The following ZNF638 variants were observed in gnomAD, a reference collection of about 807,000 sequenced individuals.
ZNF638 encodes zinc finger protein 638, also known as CTCL tumor antigen se33-1.
Under a neutral mutation model 195.6 loss-of-function variants are expected in ZNF638, and 46 were observed. That is an observed-to-expected ratio of 0.24 (90% CI 0.19 to 0.30). ZNF638 has a LOEUF of 0.30. Ranked by LOEUF, ZNF638 falls within the 10% of genes least tolerant of loss-of-function variation. The probability of loss-of-function intolerance (pLI) is 1.00; values close to 1 mark genes in which losing one functional copy is unlikely to be tolerated. For synonymous variants in ZNF638, 845 were observed against 772.0 expected (o/e 1.09, Z -1.57); for missense variants, 2,440 against 2,325.3 (o/e 1.05, Z -1.01).
intron 21 of ZNF638, among the ~76,000 whole-genome samples, chr2:71,420,378 TATC>T (rs2080406292): frequency 6.6e-6 from 1 of 152,236 alleles, no homozygotes. Context: ...AGATTTTATT[TATC>T]ATCTGATTAA....
intron 1 of ZNF638, among the ~76,000 whole-genome samples, chr2:71,333,767 T>C (rs546507798): frequency 1.6e-4 from 24 of 152,328 alleles, no homozygotes; most frequent in Non-Finnish European, 2.9e-4. Context: ...TGTTTCCTTA[T>C]CTCTAAAATG....
chr2:71,389,418 AG>A (rs775118754), intron 10 of ZNF638, among the ~76,000 whole-genome samples: 16 of 152,250 alleles, frequency 1.1e-4, no homozygotes, highest in Admixed American at 2.0e-4. Context: ...TTGAAGCCAT[AG>A]CAGACAACTT....
At chr2:71,364,682 A>G (rs563812688) in intron 5 of ZNF638, among the ~76,000 whole-genome samples, 3 of 152,272 alleles carry the variant, frequency 2.0e-5, no homozygotes, top group African/African-American at 7.2e-5. Flanking sequence ...GTACTTTGAC[A>G]CTCCCACTGT....
At chr2:71,381,938 G>T (rs2079541287) in intron 10 of ZNF638, among the ~76,000 whole-genome samples, 2 of 152,072 alleles carry the variant, frequency 1.3e-5, no homozygotes, top group South Asian at 4.1e-4. Flanking sequence ...AAATTGGAGA[G>T]ATGTAAAAAT....
chr2:71,355,790 T>C lies in ZNF638; in HGVS notation c.1379+10T>C. 6.5e-7 allele frequency: 1 copy of C among 1,547,244 alleles called. No homozygotes were observed. On this transcript the variant is annotated intron_variant, in intron 3 of 27. Coordinates refer to ENST00000264447, the MANE Select transcript of ZNF638 (RefSeq NM_014497.5). ...GACAGTTACGTCAACAGTAAGAATA[T>C]ATTTTTCCTTTATTATAGATAGCAT...
chr2:71,377,400 C>T (rs1461880534), intron 8 of ZNF638, among the ~76,000 whole-genome samples: 1 of 152,092 alleles, frequency 6.6e-6, no homozygotes, highest in East Asian at 1.9e-4. Context: ...TTCATGGGGA[C>T]ATTACAATTA....
chr2:71,408,335 G>T, intron 20 of ZNF638, 88 bp downstream of exon 20: 1 of 1,421,118 alleles, frequency 7.0e-7, no homozygotes, highest in East Asian at 2.4e-5. Flanking sequence ...AACTGTTTCT[G>T]TGTTTAGAGA....
chr2:71,339,813 G>A (rs1236254687), intron 1 of ZNF638, among the ~76,000 whole-genome samples: 1 of 152,142 alleles, frequency 6.6e-6, no homozygotes. Flanking sequence ...GCTTGGATAA[G>A]GTGTTTCCTC....
intron 21 of ZNF638, among the ~76,000 whole-genome samples, chr2:71,419,974 C>CCCCCCTCTTTTTTTT (rs1189202093): frequency 3.7e-5 from 1 of 27,022 alleles, no homozygotes; most frequent in African/African-American, 1.6e-4. Flanking sequence ...CCCCCCCCGC[C>CCCCCCTCTTTTTTTT]TTTTTTTTTT....
At chr2:71,370,161 TC>T (rs2079283091) in intron 8 of ZNF638, among the ~76,000 whole-genome samples, 156 bp downstream of exon 8, 1 of 152,202 alleles carries the variant, frequency 6.6e-6, no homozygotes, top group South Asian at 2.1e-4. Flanking sequence ...AATTAAAACT[TC>T]CTCATACATG....
At chr2:71,369,396 T>G (rs1450536469) in intron 7 of ZNF638, among the ~76,000 whole-genome samples, 2 of 151,618 alleles carry the variant, frequency 1.3e-5, no homozygotes, top group Non-Finnish European at 1.5e-5. Context: ...CCCAGTACTT[T>G]GGGAGGCCAA....
rs2080142075 is a variant in ZNF638 at position 71,408,137 on chromosome 2, G to C, written c.3151G>C (p.Asp1051His). The C allele has an allele frequency of 1.9e-6, 3 of 1,609,856 alleles. No individual in the cohort carries two copies. The highest frequency in any genetic ancestry group is 2.5e-6 in the Non-Finnish European group (3 of 1,178,488). ...SNRNKAILQL[D>H]SPESAQSMYS... Reference sequence around the variant, plus strand: ...TTCTCCAAAGGCAATTCTTCAGTTAGATAGTCCTGAATCTGCTCAGTCAAT... The same window carrying C: ...TTCTCCAAAGGCAATTCTTCAGTTACATAGTCCTGAATCTGCTCAGTCAAT... The change falls in exon 20 of 28, where the codon GAT becomes CAT. Residue 1051 changes from aspartate (D) to histidine (H), a missense_variant. Coordinates refer to ENST00000264447, the MANE Select transcript of ZNF638 (RefSeq NM_014497.5).
intron 2 of ZNF638, among the ~76,000 whole-genome samples, chr2:71,351,852 T>C (rs1218994810): frequency 6.6e-6 from 1 of 152,228 alleles, no homozygotes; most frequent in Non-Finnish European, 1.5e-5. Context: ...GTGATTGATT[T>C]AACTTGTTTG....
At position 71,349,880 on chromosome 2, in the gene ZNF638, A is replaced by C. The variant is rs747522820; in HGVS notation, c.926A>C (p.Lys309Thr). ...SGGQSVLEPI[K>T]SVNQSINQTV... ...GGACAGTCAGTCCTTGAACCCATAA[A>C]ATCCGTCAACCAATCCATTAACCAA... The change falls in exon 2 of 28, where the codon AAA becomes ACA. Residue 309 changes from lysine to threonine, a missense_variant. Lys to Thr is a moderately conservative substitution (Grantham distance 78). This residue lies in a region of ZNF638 where 305 missense variants were observed against 283.6 expected (regional missense o/e 1.08). Coordinates refer to ENST00000264447, the MANE Select transcript of ZNF638 (RefSeq NM_014497.5). The C allele has an allele frequency of 1.2e-6, 2 of 1,614,146 alleles. No homozygotes were observed. Among genetic ancestry groups the C allele is most frequent in the Non-Finnish European group, 1.7e-6 (2 of 1,180,028 alleles).
At chr2:71,358,145 C>T (rs980808148) in intron 3 of ZNF638, among the ~76,000 whole-genome samples, 3 of 152,186 alleles carry the variant, frequency 2.0e-5, no homozygotes, top group African/African-American at 4.8e-5. Context: ...TGTCTTCACA[C>T]CACCTTCTCT....
At chr2:71,370,935 T>G (rs968740884) in intron 8 of ZNF638, among the ~76,000 whole-genome samples, 4 of 150,918 alleles carry the variant, frequency 2.7e-5, no homozygotes, top group Admixed American at 6.6e-5. Context: ...ACTCATTCTG[T>G]TTTTTTTTGG....
intron 10 of ZNF638, among the ~76,000 whole-genome samples, chr2:71,382,368 G>A (rs2079548862): frequency 1.3e-5 from 2 of 152,072 alleles, no homozygotes; most frequent in African/African-American, 4.8e-5. Flanking sequence ...TATAAATGTA[G>A]AAAGAAAAAG....
intron 10 of ZNF638, chr2:71,393,417 T>C (rs1420029471): frequency 2.8e-6 from 2 of 718,642 alleles, no homozygotes; most frequent in Non-Finnish European, 5.2e-6. Context: ...TCCAGTACGA[T>C]GCATCAGACC....
At chr2:71,409,001 A>G (rs1250228215) in intron 20 of ZNF638, among the ~76,000 whole-genome samples, 1 of 152,156 alleles carries the variant, frequency 6.6e-6, no homozygotes, top group Non-Finnish European at 1.5e-5. Flanking sequence ...CCTCAGCAGA[A>G]CATGCATTTT....
Sources: allele counts gnomAD v4.1 joint callset (sites outside exome capture counted in the v4.1 genomes callset), GRCh38; gene constraint gnomAD v4.1.1; regional missense constraint gnomAD v4.1.1; transcripts MANE v1.5; gene names NCBI Gene and HGNC (gene_info 2026-07-23, HGNC 2026-07-21).